Variants in TASP1 observed in about 807,000 individuals in gnomAD.
TASP1 encodes the protein threonine aspartase 1.
A neutral mutation model predicts 56.6 loss-of-function variants in TASP1; 16 were observed. That is an observed-to-expected ratio of 0.28 (90% confidence interval 0.19 to 0.43). The LOEUF (loss-of-function observed/expected upper bound fraction) is 0.43. Ranked by LOEUF, TASP1 falls within the 20% of genes least tolerant of loss-of-function variation. TASP1 has a pLI of 1.00. For missense variants in TASP1, 393 were observed against 511.6 expected, an observed-to-expected ratio of 0.77 and a Z score of 2.24; for synonymous variants, 179 against 184.2, an observed-to-expected ratio of 0.97 and a Z score of 0.23.
chr20:13,439,997 T>C (rs966176870), intron 11 of TASP1, among the ~76,000 whole-genome samples: 2 of 152,016 alleles, frequency 1.3e-5, no homozygotes, highest in Non-Finnish European at 2.9e-5. Context: ...CTATGAAATA[T>C]TAAAATACTA....
chr20:13,503,734 GAACA>G (rs1447007732), intron 10 of TASP1, among the ~76,000 whole-genome samples: 2 of 151,526 alleles, frequency 1.3e-5, no homozygotes, highest in Admixed American at 1.3e-4. Context: ...AAACATACAT[GAACA>G]AAATAAGAAA....
At chr20:13,605,012 A>ATG (rs1025220763) in intron 4 of TASP1, among the ~76,000 whole-genome samples, 1 of 138,514 alleles carries the variant, frequency 7.2e-6, no homozygotes, top group Non-Finnish European at 1.6e-5. Flanking sequence ...ATATATATAT[A>ATG]TGTATTTCTT....
intron 10 of TASP1, among the ~76,000 whole-genome samples, chr20:13,511,430 T>C (rs1259892611): frequency 6.6e-6 from 1 of 152,110 alleles, no homozygotes; most frequent in African/African-American, 2.4e-5. Context: ...TTTCTTATTA[T>C]TGAAGCCAAT....
At chr20:13,584,079 A>G (rs2047217477) in intron 5 of TASP1, among the ~76,000 whole-genome samples, 1 of 152,156 alleles carries the variant, frequency 6.6e-6, no homozygotes, top group South Asian at 2.1e-4. Context: ...GCTAGACTCC[A>G]TCTCAAAAAT....
At chr20:13,498,379 G>C (rs1035297358) in intron 10 of TASP1, among the ~76,000 whole-genome samples, 1 of 137,732 alleles carries the variant, frequency 7.3e-6, no homozygotes, top group Non-Finnish European at 1.6e-5. Flanking sequence ...GTGTGTGTGT[G>C]ATGGAGTCTC....
chr20:13,333,877 G>A, the TASP1 span, among the ~76,000 whole-genome samples: 1 of 152,144 alleles, frequency 6.6e-6, no homozygotes, highest in Non-Finnish European at 1.5e-5. Flanking sequence ...CATCAATTAT[G>A]ATACTTCCAA....
chr20:13,323,864 G>A, the TASP1 span, among the ~76,000 whole-genome samples: 1 of 152,062 alleles, frequency 6.6e-6, no homozygotes, highest in Admixed American at 6.6e-5. Flanking sequence ...AAATAGATGG[G>A]CCAAAATATT....
At chr20:13,115,310 G>C in the TASP1 span, among the ~76,000 whole-genome samples, 1 of 152,112 alleles carries the variant, frequency 6.6e-6, no homozygotes, top group African/African-American at 2.4e-5. Flanking sequence ...CTAGGACTCT[G>C]TGTGTGCCCT....
chr20:13,357,338 C>G, the TASP1 span, among the ~76,000 whole-genome samples: 3 of 152,190 alleles, frequency 2.0e-5, no homozygotes, highest in Admixed American at 1.3e-4. Flanking sequence ...AATTAGGCTA[C>G]GAATTCATTA....
chr20:13,287,009 G>A, the TASP1 span, among the ~76,000 whole-genome samples: 3,895 of 152,284 alleles, frequency 0.026, 88 homozygotes, highest in Non-Finnish European at 0.037. Context: ...AGAGAGAAAG[G>A]GCGTGGTACC....
the TASP1 span, among the ~76,000 whole-genome samples, chr20:13,242,451 G>A: frequency 6.6e-6 from 1 of 152,146 alleles, no homozygotes. Flanking sequence ...GAAGGTTGAG[G>A]GGATGTTCAG....
At chr20:13,363,259 A>T in the TASP1 span, among the ~76,000 whole-genome samples, 1 of 152,132 alleles carries the variant, frequency 6.6e-6, no homozygotes, top group African/African-American at 2.4e-5. Context: ...GAGAAGAAAG[A>T]GAGGCTGGAA....
chr20:13,234,938 C>T, the TASP1 span, among the ~76,000 whole-genome samples: 1 of 152,132 alleles, frequency 6.6e-6, no homozygotes, highest in African/African-American at 2.4e-5. Context: ...GACAAGGTCC[C>T]CAGATTAATC....
the TASP1 span, among the ~76,000 whole-genome samples, chr20:13,383,087 G>A: frequency 3.3e-5 from 5 of 152,188 alleles, no homozygotes; most frequent in African/African-American, 9.7e-5. Context: ...AGAACAGCAA[G>A]GAGGCCAGAG....
the TASP1 span, among the ~76,000 whole-genome samples, chr20:13,342,058 C>A: frequency 6.6e-6 from 1 of 152,282 alleles, no homozygotes; most frequent in East Asian, 1.9e-4. Flanking sequence ...CAGGCCAGCC[C>A]AGGTATAGCA....
the TASP1 span, among the ~76,000 whole-genome samples, chr20:13,141,533 T>C: frequency 6.6e-6 from 1 of 152,188 alleles, no homozygotes; most frequent in Admixed American, 6.5e-5. Context: ...GTTTGCTCCA[T>C]TTTTCTAAGG....
the TASP1 span, among the ~76,000 whole-genome samples, chr20:13,280,395 C>A: frequency 9.2e-5 from 13 of 141,694 alleles, no homozygotes; most frequent in South Asian, 9.5e-4. Context: ...AAAGTAACCC[C>A]CCCCCCCCAA....
chr20:13,489,426 G>A (rs2043441538), intron 10 of TASP1, among the ~76,000 whole-genome samples: 1 of 152,098 alleles, frequency 6.6e-6, no homozygotes, highest in Admixed American at 6.6e-5. Context: ...TTCCATGCCT[G>A]CACTTGCATA....
At chr20:13,535,814 A>G (rs1468662478) in intron 8 of TASP1, among the ~76,000 whole-genome samples, 3 of 152,174 alleles carry the variant, frequency 2.0e-5, no homozygotes, top group African/African-American at 7.2e-5. Context: ...CTGTTTCGCA[A>G]GATTTGACTT....
Sources: gnomAD v4.1 joint callset for allele counts (sites outside exome capture counted in the v4.1 genomes callset) on GRCh38, gnomAD v4.1.1 for gene constraint, MANE v1.5 for transcripts, NCBI Gene and HGNC (gene_info 2026-07-23, HGNC 2026-07-21) for gene names.